The following NXPE4 variants were observed in gnomAD, a reference collection of about 807,000 sequenced individuals.
The protein encoded by NXPE4 is NXPE family member 4.
A neutral mutation model predicts 33.3 loss-of-function variants in NXPE4; 42 were observed. That is an observed-to-expected ratio of 1.26 (90% CI 0.98 to 1.63). The LOEUF (loss-of-function observed/expected upper bound fraction) is 1.63. Among genes scored for constraint, NXPE4 ranks in the 40% most tolerant of loss-of-function variants. The pLI is 0.00. For missense variants in NXPE4, 709 were observed against 647.6 expected (o/e 1.09, Z -1.03); for synonymous variants, 253 against 234.9 (o/e 1.08, Z -0.71).
intron 5 of NXPE4, among the ~76,000 whole-genome samples, chr11:114,574,992 C>T (rs913495443): frequency 3.9e-5 from 6 of 152,078 alleles, no homozygotes; most frequent in South Asian, 4.1e-4. Flanking sequence ...AGATAATCCA[C>T]CATGATCAAG....
At chr11:114,629,555 G>T in the NXPE4 span, among the ~76,000 whole-genome samples, 1 of 151,762 alleles carries the variant, frequency 6.6e-6, no homozygotes, top group Admixed American at 6.6e-5. Flanking sequence ...CAAACCCACA[G>T]CCAATATCAT....
intron 2 of NXPE4, among the ~76,000 whole-genome samples, chr11:114,584,891 G>T (rs547995394): frequency 6.6e-6 from 1 of 152,236 alleles, no homozygotes; most frequent in African/African-American, 2.4e-5. Flanking sequence ...GAAATGCCTT[G>T]CCACCTATCC....
the NXPE4 span, among the ~76,000 whole-genome samples, chr11:114,632,802 A>ATAT: frequency 1.6e-4 from 1 of 6,448 alleles, no homozygotes; most frequent in Admixed American, 3.0e-3. Flanking sequence ...AATTATATAT[A>ATAT]ATTATATATT....
chr11:114,578,476 G>A (rs990149873), intron 5 of NXPE4, among the ~76,000 whole-genome samples: 1 of 152,164 alleles, frequency 6.6e-6, no homozygotes, highest in Admixed American at 6.5e-5. Context: ...TGTAGATGAG[G>A]TAATTGAGGT....
chr11:114,668,987 C>T, the NXPE4 span, among the ~76,000 whole-genome samples: 1 of 152,042 alleles, frequency 6.6e-6, no homozygotes, highest in Non-Finnish European at 1.5e-5. Flanking sequence ...ATTCCACTCC[C>T]AGCTCTATAG....
At chr11:114,575,162 CA>C (rs1247259707) in intron 5 of NXPE4, among the ~76,000 whole-genome samples, 13 of 152,030 alleles carry the variant, frequency 8.6e-5, no homozygotes, top group Non-Finnish European at 1.9e-4. Flanking sequence ...TTAAAACCCT[CA>C]GCAAAATCAA....
chr11:114,624,002 C>T, the NXPE4 span, among the ~76,000 whole-genome samples: 69 of 151,560 alleles, frequency 4.6e-4, 1 homozygote, highest in African/African-American at 1.5e-3. Context: ...CACTGTTACC[C>T]GGTGGATAAT....
the NXPE4 span, among the ~76,000 whole-genome samples, chr11:114,602,343 A>G: frequency 8.0e-6 from 1 of 125,510 alleles, no homozygotes; most frequent in Non-Finnish European, 1.6e-5. Flanking sequence ...TGTTATCTAT[A>G]ACATATACTA....
the NXPE4 span, among the ~76,000 whole-genome samples, chr11:114,609,454 A>G: frequency 6.6e-6 from 1 of 151,830 alleles, no homozygotes; most frequent in Non-Finnish European, 1.5e-5. Flanking sequence ...AACCACTGTT[A>G]CCCAATGGAT....
Position 114,580,284 on chromosome 11 carries a change from G to C in NXPE4, c.947C>G (p.Pro316Arg), listed in dbSNP as rs1484991153. The change falls in exon 5 of 6, where the codon CCC becomes CGC. Residue 316 changes from proline to arginine, a missense_variant. Pro to Arg is a moderately radical substitution (Grantham distance 103). Coordinates refer to ENST00000375478, the MANE Select transcript of NXPE4 (RefSeq NM_001077639.2). Reference sequence around the variant, plus strand: ...TGTGTTTCTCCAGACATGCCCACTGGGGATTGTGGATGTCATTCCAAACTT... The same window carrying C: ...TGTGTTTCTCCAGACATGCCCACTGCGGATTGTGGATGTCATTCCAAACTT... ...KCKFGMTSTI[P>R]SGHVWRNTWN... is the part of the protein sequence containing the mutation. 1 of 1,614,038 alleles carries C rather than the reference G, an allele frequency of 6.2e-7. No individual in the cohort carries two copies. Among genetic ancestry groups the C allele is most frequent in the South Asian group, 1.1e-5 (1 of 91,078 alleles).
chr11:114,678,074 C>G, the NXPE4 span, among the ~76,000 whole-genome samples: 2 of 152,026 alleles, frequency 1.3e-5, no homozygotes, highest in African/African-American at 4.8e-5. Context: ...TGGTTTAGAG[C>G]AAGAGAAAGT....
At chr11:114,672,234 C>T in the NXPE4 span, among the ~76,000 whole-genome samples, 1 of 151,858 alleles carries the variant, frequency 6.6e-6, no homozygotes, top group East Asian at 1.9e-4. Flanking sequence ...AGAACCAAAC[C>T]ATATCACACA....
chr11:114,670,486 G>A, the NXPE4 span, among the ~76,000 whole-genome samples: 35 of 152,036 alleles, frequency 2.3e-4, no homozygotes, highest in Admixed American at 1.3e-3. Flanking sequence ...TTGAGGCTAG[G>A]AGTTGGAAAT....
chr11:114,609,752 G>A, the NXPE4 span, among the ~76,000 whole-genome samples: 5 of 151,590 alleles, frequency 3.3e-5, no homozygotes, highest in South Asian at 6.2e-4. Flanking sequence ...ACTGTTACCC[G>A]GTGGACAATA....
rs1302480302 is a variant in NXPE4, at chr11:114,580,177, A to T, written c.1054T>A (p.Ser352Thr). 5.0e-6 allele frequency: 8 copies of T among 1,614,090 alleles called. No individual in the cohort carries two copies. In the East Asian group the frequency reaches 1.6e-4, roughly 31 times the overall value. ...TATTCCATCCACTGGCGGATCGTGGAATCTCCCATTAGGTATATGAGTTTT... is the reference window on the plus strand; with the variant it reads ...TATTCCATCCACTGGCGGATCGTGGTATCTCCCATTAGGTATATGAGTTTT... ...RGKLIYLMGDSTIRQWMEYFK... is the reference protein window; with the variant it reads ...RGKLIYLMGDTTIRQWMEYFK... Residue 352 changes from serine (S) to threonine (T), a missense_variant, in exon 5 of 6, where the codon TCC becomes ACC. Physicochemically the swap from Ser to Thr is moderately conservative, Grantham distance 58. Transcript: ENST00000375478.
the NXPE4 span, among the ~76,000 whole-genome samples, chr11:114,618,009 C>T: frequency 3.3e-5 from 5 of 151,866 alleles, no homozygotes; most frequent in African/African-American, 1.2e-4. Flanking sequence ...ACCAGTGTTA[C>T]CCGCTGGATA....
At chr11:114,597,914 C>A (rs528974208), upstream of NXPE4, among the ~76,000 whole-genome samples, 1 of 152,126 alleles carries the variant, frequency 6.6e-6, no homozygotes, top group Non-Finnish European at 1.5e-5. Flanking sequence ...TACAATCATG[C>A]CTTCCCAACA....
At chr11:114,583,243 A>C in intron 2 of NXPE4, 1 of 681,560 alleles carries the variant, frequency 1.5e-6, no homozygotes, top group Non-Finnish European at 2.6e-6. Flanking sequence ...AGGGACAGGA[A>C]GTGAGCAAGA....
chr11:114,596,736 C>T (rs1300718410), upstream of NXPE4, among the ~76,000 whole-genome samples: 1 of 152,094 alleles, frequency 6.6e-6, no homozygotes, highest in East Asian at 1.9e-4. Context: ...TTGGCTGTTC[C>T]TTAGAGGACT....
Sources: allele counts gnomAD v4.1 joint callset (sites outside exome capture counted in the v4.1 genomes callset), GRCh38; gene constraint gnomAD v4.1.1; transcripts MANE v1.5; gene names NCBI Gene and HGNC (gene_info 2026-07-23, HGNC 2026-07-21).